Variants in CAMTA1 observed in about 807,000 individuals in gnomAD.
CAMTA1 encodes calmodulin binding transcription activator 1, also known as calmodulin-binding transcription activator 1.
A neutral mutation model predicts 170.9 loss-of-function variants in CAMTA1; 27 were observed. That is an observed-to-expected ratio of 0.16 (90% CI 0.12 to 0.22). The LOEUF is 0.22. CAMTA1 is among the 10% of genes least tolerant of loss of function. CAMTA1 has a pLI of 1.00. For synonymous variants in CAMTA1, 833 were observed against 891.5 expected, an observed-to-expected ratio of 0.93 and a Z score of 1.17; for missense variants, 1,619 against 2,217.2, an observed-to-expected ratio of 0.73 and a Z score of 5.42.
chr1:7,528,933 A>G (rs1442321999), intron 6 of CAMTA1, among the ~76,000 whole-genome samples: 1 of 152,160 alleles, frequency 6.6e-6, no homozygotes, highest in Non-Finnish European at 1.5e-5. Context: ...TCCCCTGTGT[A>G]GGGTAGAAAC....
intron 5 of CAMTA1, among the ~76,000 whole-genome samples, chr1:7,298,893 A>G (rs1241568481): frequency 1.3e-5 from 2 of 151,966 alleles, no homozygotes; most frequent in African/African-American, 4.8e-5. Flanking sequence ...AGCAGCCAAC[A>G]TTTCACCCTT....
At chr1:6,835,220 C>CA (rs1652473977) in intron 3 of CAMTA1, among the ~76,000 whole-genome samples, 1 of 152,186 alleles carries the variant, frequency 6.6e-6, no homozygotes, top group African/African-American at 2.4e-5. Flanking sequence ...TGTTAAGGTG[C>CA]AAATGAGGAT....
At position 7,661,770 on chromosome 1, in the gene CAMTA1, G is replaced by C. The variant is rs773715333; in HGVS notation, c.709G>C (p.Gly237Arg). 1 of 1,614,008 alleles carries C rather than the reference G, an allele frequency of 6.2e-7. No homozygotes were observed. The highest frequency in any genetic ancestry group is 8.5e-7 in the Non-Finnish European group (1 of 1,179,998). ...WTCSNGNSSS[G>R]FSVEQLVQQI... Reference sequence around the variant, plus strand: ...CTGCAGCAATGGGAACAGCAGCTCAGGCTTCTCGGTGGAACAGCTGGTGCA... The same window carrying C: ...CTGCAGCAATGGGAACAGCAGCTCACGCTTCTCGGTGGAACAGCTGGTGCA... Residue 237 changes from glycine to arginine, a missense_variant, in exon 8 of 23, where the codon GGC becomes CGC. By Grantham distance (125) the Gly-to-Arg change is moderately radical (BLOSUM62 -2). Around this residue, in one of 8 missense-constraint regions of CAMTA1, gnomAD observed 731 missense variants for 907.6 expected, o/e 0.81. Coordinates refer to ENST00000303635, the MANE Select transcript of CAMTA1 (RefSeq NM_015215.4).
intron 5 of CAMTA1, among the ~76,000 whole-genome samples, chr1:7,353,699 C>G (rs1394864504): frequency 6.6e-6 from 1 of 152,168 alleles, no homozygotes; most frequent in Non-Finnish European, 1.5e-5. Context: ...GCTGGGATTA[C>G]AGGTGTGAGC....
intron 3 of CAMTA1, among the ~76,000 whole-genome samples, chr1:6,883,777 A>G (rs1672306093): frequency 1.3e-5 from 2 of 152,166 alleles, no homozygotes; most frequent in South Asian, 2.1e-4. Context: ...GCTGTACAGT[A>G]GCAGTGTCAG....
intron 5 of CAMTA1, among the ~76,000 whole-genome samples, chr1:7,429,016 A>G (rs1049181707): frequency 6.6e-6 from 1 of 152,196 alleles, no homozygotes; most frequent in Non-Finnish European, 1.5e-5. Context: ...GGACGCCTCT[A>G]ATGGAGAAGT....
At chr1:6,929,394 T>G (rs1683971516) in intron 3 of CAMTA1, among the ~76,000 whole-genome samples, 1 of 151,728 alleles carries the variant, frequency 6.6e-6, no homozygotes, top group Non-Finnish European at 1.5e-5. Context: ...GATGGAGTGT[T>G]GCTGTGTCGC....
At chr1:6,921,197 TC>T (rs1306173823) in intron 3 of CAMTA1, among the ~76,000 whole-genome samples, 1 of 152,228 alleles carries the variant, frequency 6.6e-6, no homozygotes, top group African/African-American at 2.4e-5. Context: ...ACCTAAATCA[TC>T]TTTCTCAAGC....
intron 6 of CAMTA1, among the ~76,000 whole-genome samples, chr1:7,582,115 T>A (rs771520717): frequency 3.9e-5 from 6 of 152,194 alleles, no homozygotes; most frequent in Non-Finnish European, 7.3e-5. Context: ...CAGGAGGAGC[T>A]GGCTCTGATC....
chr1:7,697,278 G>C (rs2096386649), intron 11 of CAMTA1, among the ~76,000 whole-genome samples: 1 of 113,484 alleles, frequency 8.8e-6, no homozygotes, highest in East Asian at 3.5e-4. Flanking sequence ...ACCAGGCCCT[G>C]GGCTATCTAT....
intron 3 of CAMTA1, among the ~76,000 whole-genome samples, chr1:7,061,147 G>A (rs1159483557): frequency 6.6e-6 from 1 of 151,938 alleles, no homozygotes; most frequent in Non-Finnish European, 1.5e-5. Flanking sequence ...GAAAATCCTC[G>A]GTCTCTGTAT....
At chr1:7,322,527 A>G (rs1678587918) in intron 5 of CAMTA1, among the ~76,000 whole-genome samples, 1 of 152,262 alleles carries the variant, frequency 6.6e-6, no homozygotes, top group African/African-American at 2.4e-5. Flanking sequence ...AACTGTGGCA[A>G]TAGCCATCCA....
chr1:7,287,608 T>C (rs1422985191), intron 5 of CAMTA1, among the ~76,000 whole-genome samples: 1 of 152,152 alleles, frequency 6.6e-6, no homozygotes, highest in African/African-American at 2.4e-5. Flanking sequence ...TCATCACCAC[T>C]GATATTTTTA....
chr1:7,435,593 A>G lies in CAMTA1; in HGVS notation c.439-32237A>G, dbSNP rs995978976. 2.0e-5 allele frequency among the ~76,000 whole-genome samples: 3 copies of G among 152,184 alleles called. No homozygotes were observed. The highest frequency in any genetic ancestry group is 4.4e-5 in the Non-Finnish European group (3 of 68,014). ...GTGGTGGCAGTGGAGCGCAGTCCCCATGCTTGGGGAAAGTCCCCCAGCTTT... is the reference window on the plus strand; with the variant it reads ...GTGGTGGCAGTGGAGCGCAGTCCCCGTGCTTGGGGAAAGTCCCCCAGCTTT... On this transcript the variant is annotated intron_variant, in intron 5 of 22. Transcript: ENST00000303635. This position sits in a 1 kb window ranked among gnomAD's most constrained non-coding sequence, Gnocchi z 4.4.
intron 3 of CAMTA1, among the ~76,000 whole-genome samples, chr1:6,846,313 T>G (rs148804791): frequency 2.2e-4 from 34 of 152,262 alleles, no homozygotes; most frequent in Non-Finnish European, 4.7e-4. Context: ...ATCTGAGATA[T>G]TCTCATCATC....
In CAMTA1 at chr1:7,231,354, A is replaced by T. The variant is rs868824238; in HGVS notation, c.303-18137A>T. On this transcript the variant is annotated intron_variant, in intron 4 of 22. Transcript: ENST00000303635. ...GTGTGTGTGTGTGTGTGTGTGTGAG[A>T]GAGAGAGAGAGAGAGAGAGGTTTTA... Among the ~76,000 whole-genome samples, 587 of 94,984 alleles carry T rather than the reference A, an allele frequency of 6.2e-3. 5 individuals are homozygous for T. The highest frequency in any genetic ancestry group is 0.019 in the African/African-American group (526 of 27,830). 62.3% of individuals were successfully genotyped at this position (94,984 alleles called of 152,430 possible).
chr1:7,354,970 G>C (rs758886081), intron 5 of CAMTA1, among the ~76,000 whole-genome samples: 1 of 152,008 alleles, frequency 6.6e-6, no homozygotes, highest in Non-Finnish European at 1.5e-5. Flanking sequence ...GGAAGGCTGA[G>C]GGGGGTGGAT....
At chr1:7,560,800 G>T in intron 6 of CAMTA1, among the ~76,000 whole-genome samples, 1 of 152,044 alleles carries the variant, frequency 6.6e-6, no homozygotes, top group East Asian at 1.9e-4. Context: ...CATGGGACTC[G>T]GGGCAGGCAC....
intron 3 of CAMTA1, among the ~76,000 whole-genome samples, chr1:6,912,860 C>T (rs1680016455): frequency 6.6e-6 from 1 of 152,226 alleles, no homozygotes; most frequent in Non-Finnish European, 1.5e-5. Flanking sequence ...GGAGTTGTTT[C>T]TGTTTCCACT....
Sources: gnomAD v4.1 joint callset for allele counts (sites outside exome capture counted in the v4.1 genomes callset) on GRCh38, gnomAD v4.1.1 for gene constraint, gnomAD v4.1.1 regional missense constraint, Gnocchi (gnomAD v3.1) non-coding constraint, MANE v1.5 for transcripts, NCBI Gene and HGNC (gene_info 2026-07-23, HGNC 2026-07-21) for gene names.